Variants in PMM2 observed in about 807,000 individuals in gnomAD.
PMM2 encodes the protein phosphomannomutase 2.
Under a neutral mutation model 33.2 loss-of-function variants are expected in PMM2, and 35 were observed. The ratio of observed to expected loss-of-function variants is 1.06; its 90% confidence interval spans 0.81 to 1.40. The LOEUF is 1.40. Ranked by LOEUF, PMM2 falls within the 40% of genes most tolerant of loss-of-function variation. The pLI is 0.00. For synonymous variants in PMM2, 153 were observed against 114.7 expected (o/e 1.33, Z -2.13); for missense variants, 386 against 306.0 (o/e 1.26, Z -1.95).
chr16:8,798,077 C>T (rs1353543777), intron 1 of PMM2, 129 bp downstream of exon 1: 4 of 873,116 alleles, frequency 4.6e-6, no homozygotes, highest in Non-Finnish European at 7.4e-6. Context: ...CGGCGCTGAA[C>T]CCTATTCTGG....
At chr16:8,821,117 A>G (rs1385392835) in intron 7 of PMM2, among the ~76,000 whole-genome samples, 1 of 152,114 alleles carries the variant, frequency 6.6e-6, no homozygotes, top group Non-Finnish European at 1.5e-5. Context: ...GGACCACATG[A>G]TTTGAGACCC....
intron 2 of PMM2, among the ~76,000 whole-genome samples, chr16:8,802,755 A>G (rs889860772): frequency 1.3e-4 from 20 of 149,796 alleles, no homozygotes; most frequent in Admixed American, 3.3e-4. Context: ...GCTTGAACCC[A>G]GGAGGCAGAG....
chr16:8,827,752 A>T lies in PMM2; in HGVS notation c.639+14646A>T, dbSNP rs1354074459. On this transcript the variant is annotated intron_variant, in intron 7 of 7. Transcript: ENST00000268261. ...TATATATATATATATATATATATAT[A>T]TATATATATGCACACATTTATATAT... Among the ~76,000 whole-genome samples, 50 of 80,246 alleles carry T rather than the reference A, an allele frequency of 6.2e-4. 1 individual carries two copies. The highest frequency in any genetic ancestry group is 1.2e-3 in the East Asian group (3 of 2,460). 52.6% of individuals were successfully genotyped at this position (80,246 alleles called of 152,430 possible).
chr16:8,811,759 C>G, intron 6 of PMM2, 46 bp downstream of exon 6: 1 of 1,336,700 alleles, frequency 7.5e-7, no homozygotes, highest in Non-Finnish European at 1.1e-6. Context: ...ACCCATTTCC[C>G]AGAGTTTGTT....
At chr16:8,834,196 C>A (rs538252116) in intron 7 of PMM2, among the ~76,000 whole-genome samples, 42 of 152,264 alleles carry the variant, frequency 2.8e-4, no homozygotes, top group African/African-American at 9.6e-4. Context: ...TTGTCCAGTC[C>A]TTTTTAAGTT....
At chr16:8,820,428 A>T (rs1472874518) in intron 7 of PMM2, among the ~76,000 whole-genome samples, 4 of 148,626 alleles carry the variant, frequency 2.7e-5, no homozygotes, top group Non-Finnish European at 4.4e-5. Context: ...ATCTTGGTTC[A>T]CTGTAATCTT....
Position 8,811,177 on chromosome 16 carries a change from A to C in PMM2, c.446A>C (p.Lys149Thr), listed in dbSNP as rs1326383897. The C allele has an allele frequency of 6.5e-7, 1 of 1,541,546 alleles. No individual in the cohort carries two copies. The highest frequency in any genetic ancestry group is 8.8e-7 in the Non-Finnish European group (1 of 1,131,732). ...EERIEFYELD[K>T]KENIRQKFVA... is the part of the protein sequence containing the mutation. ...CGCATTGAGTTCTACGAACTCGATA[A>C]AGTACGTCTTTCTGAAATATCTTTG... Residue 149 changes from lysine to threonine, a missense_variant and splice_region_variant, in exon 5 of 8, where the codon AAA (lysine) becomes ACA (threonine). By Grantham distance (78) the Lys-to-Thr change is moderately conservative. Transcript: ENST00000268261.
chr16:8,839,771 A>C (rs2060876901), intron 7 of PMM2, among the ~76,000 whole-genome samples: 2 of 151,900 alleles, frequency 1.3e-5, no homozygotes. Context: ...GAGAAGGTGA[A>C]AGATTACCTA....
chr16:8,835,401 G>A (rs2060838804), intron 7 of PMM2, among the ~76,000 whole-genome samples: 1 of 151,980 alleles, frequency 6.6e-6, no homozygotes, highest in South Asian at 2.1e-4. Flanking sequence ...AAGCCTTGTG[G>A]CCGTACAGCC....
At chr16:8,841,410 T>C (rs959650479) in intron 7 of PMM2, among the ~76,000 whole-genome samples, 1 of 149,308 alleles carries the variant, frequency 6.7e-6, no homozygotes, top group African/African-American at 2.5e-5. Flanking sequence ...TTTAGTTATC[T>C]GACTCGGGGC....
chr16:8,838,775 G>A (rs1447831586), intron 7 of PMM2, among the ~76,000 whole-genome samples: 1 of 152,090 alleles, frequency 6.6e-6, no homozygotes, highest in Non-Finnish European at 1.5e-5. Flanking sequence ...GAGTGCGTAA[G>A]GGGGTTCAGC....
In PMM2 at chr16:8,848,075, C is replaced by G. The variant is rs919042553; in HGVS notation, c.*250C>G. On this transcript the variant is annotated 3_prime_UTR_variant, in exon 8 of 8. Transcript: ENST00000268261. ...AAGGTCTTCCCCACCCACCCCCAGC[C>G]CCCTAGTCTAATACCCACCCTGATA... 5.7e-6 allele frequency: 3 copies of G among 528,132 alleles called. No individual in the cohort carries two copies. Among genetic ancestry groups the G allele is most frequent in the Non-Finnish European group, 1.0e-5 (3 of 290,492 alleles). The allele number at this position is 528,132 out of a possible 1,614,324, so 32.7% of individuals were successfully genotyped here.
Position 8,848,133 on chromosome 16 carries a change from C to T in PMM2, c.*308C>T, listed in dbSNP as rs966673587. 63 of 378,714 alleles carry T rather than the reference C, an allele frequency of 1.7e-4. No individual in the cohort carries two copies. The highest frequency in any genetic ancestry group is 1.1e-3 in the African/African-American group (52 of 48,254). 23.5% of individuals were successfully genotyped at this position (378,714 alleles called of 1,614,324 possible). A position where few individuals can be genotyped will look rare whatever the true frequency, so the allele number is the denominator to read the frequency against. ...TCATGTAGTTTTGGCGGAAATTTCC[C>T]CATCATTCTAGGATGATACAGAAAG... is the stretch of plus-strand genomic sequence containing the variant. On this transcript the variant is annotated 3_prime_UTR_variant, in exon 8 of 8. Coordinates refer to ENST00000268261, the MANE Select transcript of PMM2 (RefSeq NM_000303.3).
At chr16:8,818,325 T>C (rs558419466) in intron 7 of PMM2, among the ~76,000 whole-genome samples, 1 of 152,340 alleles carries the variant, frequency 6.6e-6, no homozygotes, top group South Asian at 2.1e-4. Context: ...GTGGTGAACA[T>C]TCTTGCACGA....
chr16:8,811,821 G>C (rs1164194699), intron 6 of PMM2, 108 bp downstream of exon 6: 4 of 810,212 alleles, frequency 4.9e-6, no homozygotes, highest in Middle Eastern at 2.2e-4. Context: ...AGGTGGGCAG[G>C]AAGATTAAAT....
At position 8,803,840 on chromosome 16, in the gene PMM2, C is replaced by T. The variant is rs573784020; in HGVS notation, c.179-927C>T. ...CTGGGACTACAGGCGCCCACCAGCACGCCCGGCTAATTTTTGTATTTTTAG... is the reference window on the plus strand; with the variant it reads ...CTGGGACTACAGGCGCCCACCAGCATGCCCGGCTAATTTTTGTATTTTTAG... On this transcript the variant is annotated intron_variant, in intron 2 of 7. Coordinates refer to ENST00000268261, the MANE Select transcript of PMM2 (RefSeq NM_000303.3). Among the ~76,000 whole-genome samples the T allele has an allele frequency of 4.9e-4, 74 of 149,902 alleles. 2 individuals are homozygous for T. In the Middle Eastern group the frequency reaches 0.014, roughly 29 times the overall value.
chr16:8,822,689 G>A (rs907744888), intron 7 of PMM2, among the ~76,000 whole-genome samples: 2 of 152,158 alleles, frequency 1.3e-5, no homozygotes, highest in Admixed American at 1.3e-4. Context: ...ATGAAGATGG[G>A]AAAAGAGTGA....
Position 8,847,970 on chromosome 16 carries a change from T to C in PMM2, c.*145T>C. Reference sequence around the variant, plus strand: ...TATGCCAGGCATGTGCAGTCTGGACTTCCACCTCCAGTGCCAGAAACTTCC... The same window carrying C: ...TATGCCAGGCATGTGCAGTCTGGACCTCCACCTCCAGTGCCAGAAACTTCC... On this transcript the variant is annotated 3_prime_UTR_variant, in exon 8 of 8. Coordinates refer to ENST00000268261, the MANE Select transcript of PMM2 (RefSeq NM_000303.3). 1.5e-6 allele frequency: 1 copy of C among 648,368 alleles called. No homozygotes were observed. Among genetic ancestry groups the C allele is most frequent in the Non-Finnish European group, 2.8e-6 (1 of 358,894 alleles). 40.2% of individuals were successfully genotyped at this position (648,368 alleles called of 1,614,324 possible).
chr16:8,836,936 TG>T (rs1355530559), intron 7 of PMM2, among the ~76,000 whole-genome samples: 2 of 151,826 alleles, frequency 1.3e-5, no homozygotes, highest in African/African-American at 4.8e-5. Flanking sequence ...GCTGGGCAGG[TG>T]GGGGAGGGCC....
Sources: gnomAD v4.1 joint callset for allele counts (sites outside exome capture counted in the v4.1 genomes callset) on GRCh38, gnomAD v4.1.1 for gene constraint, MANE v1.5 for transcripts, NCBI Gene and HGNC (gene_info 2026-07-23, HGNC 2026-07-21) for gene names.